Variants in GPRC5B observed in about 807,000 individuals in gnomAD.
GPRC5B encodes G protein-coupled receptor class C group 5 member B.
A neutral mutation model predicts 30.1 loss-of-function variants in GPRC5B; 16 were observed. The ratio of observed to expected loss-of-function variants is 0.53; its 90% CI spans 0.36 to 0.81. The LOEUF (loss-of-function observed/expected upper bound fraction) is 0.81. GPRC5B is among the 30% of genes least tolerant of loss of function. The probability of loss-of-function intolerance (pLI) is 0.01; values close to 1 mark genes in which losing one functional copy is unlikely to be tolerated. For synonymous variants in GPRC5B, 241 were observed against 239.5 expected, an observed-to-expected ratio of 1.01 and a Z score of -0.06; for missense variants, 428 against 544.7, an observed-to-expected ratio of 0.79 and a Z score of 2.13.
intron 1 of GPRC5B, among the ~76,000 whole-genome samples, chr16:19,875,067 A>G (rs990701052): frequency 6.6e-6 from 1 of 152,130 alleles, no homozygotes; most frequent in African/African-American, 2.4e-5. Flanking sequence ...TAAATGCGGT[A>G]TCGACCACCT....
At chr16:19,879,105 C>T (rs1567211999) in intron 1 of GPRC5B, among the ~76,000 whole-genome samples, 1 of 152,086 alleles carries the variant, frequency 6.6e-6, no homozygotes, top group Non-Finnish European at 1.5e-5. Context: ...CAGGTAAGCC[C>T]CCATCCTGCT....
rs148205185 is a variant in GPRC5B, at chr16:19,872,491, C to T, written c.355G>A (p.Glu119Lys). ...AAGCGGCGGACAGAGCAGATGGTCTCGTCCTCCTGGATGATGAAGGCAAAC... is the reference window on the plus strand; with the variant it reads ...AAGCGGCGGACAGAGCAGATGGTCTTGTCCTCCTGGATGATGAAGGCAAAC... ...LTFAFIIQED[E>K]TICSVRRFLW... Residue 119 changes from glutamate to lysine, a missense_variant, in exon 2 of 4, where the codon GAG becomes AAG. Transcript: ENST00000300571. The surrounding 1 kb of genome is among the most constrained non-coding windows in gnomAD (Gnocchi z 5.0). 1.2e-5 allele frequency: 20 copies of T among 1,613,866 alleles called. No individual in the cohort carries two copies. The highest frequency in any genetic ancestry group is 1.6e-4 in the Middle Eastern group (1 of 6,062).
intron 2 of GPRC5B, among the ~76,000 whole-genome samples, chr16:19,867,185 G>GGC (rs2056674412): frequency 6.6e-6 from 1 of 152,208 alleles, no homozygotes; most frequent in Non-Finnish European, 1.5e-5. Flanking sequence ...AGTGAGATGA[G>GGC]GGGCGCTTAA....
In GPRC5B at chr16:19,872,516, C is replaced by T. The variant is rs367682707; in HGVS notation, c.330G>A (p.Thr110=). The change falls in exon 2 of 4, where the codon ACG becomes ACA. Residue 110 remains threonine (T), a synonymous_variant. Transcript: ENST00000300571. This position sits in a 1 kb window ranked among gnomAD's most constrained non-coding sequence, Gnocchi z 5.0. ...CGTCCTCCTGGATGATGAAGGCAAA[C>T]GTCAGCCCAAAGAGGCCCAGGGTCC... ...LLGTLGLFGL[T]FAFIIQEDET... is the part of the protein sequence containing the mutation. 1.5e-5 allele frequency: 24 copies of T among 1,613,868 alleles called. No individual in the cohort carries two copies. Among genetic ancestry groups the T allele is most frequent in the Middle Eastern group, 1.6e-4 (1 of 6,082 alleles).
chr16:19,867,532 G>A (rs2056677398), intron 2 of GPRC5B, among the ~76,000 whole-genome samples: 1 of 152,214 alleles, frequency 6.6e-6, no homozygotes, highest in Non-Finnish European at 1.5e-5. Context: ...TGGCATCGTG[G>A]TTTTACTTCA....
chr16:19,868,817 T>C (rs996385943), intron 2 of GPRC5B, among the ~76,000 whole-genome samples: 1 of 152,070 alleles, frequency 6.6e-6, no homozygotes, highest in African/African-American at 2.4e-5. Flanking sequence ...GACAGAGGGA[T>C]GTGGATGGCC....
intron 3 of GPRC5B, 129 bp downstream of exon 3, chr16:19,861,708 G>A (rs573457971): frequency 3.0e-5 from 21 of 705,904 alleles, no homozygotes; most frequent in African/African-American, 1.1e-4. Context: ...CATTGCATGC[G>A]TTTGAGCTGT....
upstream of GPRC5B, chr16:19,885,237 G>A (rs879863321): frequency 2.3e-6 from 3 of 1,288,336 alleles, no homozygotes; most frequent in African/African-American, 3.0e-5. This position sits in a 1 kb window ranked among gnomAD's most constrained non-coding sequence, Gnocchi z 5.3. Context: ...GTCCCAGCGC[G>A]GAAGCCTTCC....
At chr16:19,875,820 T>C (rs771161752) in intron 1 of GPRC5B, among the ~76,000 whole-genome samples, 3 of 152,146 alleles carry the variant, frequency 2.0e-5, no homozygotes, top group Non-Finnish European at 4.4e-5. Flanking sequence ...CGCTCGTTGA[T>C]GTAACCCATG....
At chr16:19,869,875 C>T (rs568996193) in intron 2 of GPRC5B, among the ~76,000 whole-genome samples, 67 of 152,120 alleles carry the variant, frequency 4.4e-4, no homozygotes, top group African/African-American at 1.6e-3. Flanking sequence ...AATTCGAGAC[C>T]ACCCTAGGCA....
At chr16:19,878,490 T>C (rs929872378) in intron 1 of GPRC5B, among the ~76,000 whole-genome samples, 2 of 151,902 alleles carry the variant, frequency 1.3e-5, no homozygotes, top group Non-Finnish European at 2.9e-5. Flanking sequence ...ACGGAGGTTT[T>C]GCCATGTTGG....
chr16:19,884,754 G>T lies in GPRC5B; in HGVS notation c.-29C>A. 1 of 984,674 alleles carries T rather than the reference G, an allele frequency of 1.0e-6. No homozygotes were observed. Among genetic ancestry groups the T allele is most frequent in the Non-Finnish European group, 1.2e-6 (1 of 829,596 alleles). The allele number at this position is 984,674 out of a possible 1,614,324, so 61.0% of individuals were successfully genotyped here. A position where few individuals can be genotyped will look rare whatever the true frequency, so the allele number is the denominator to read the frequency against. ...ACCCCCGCGGCCCCGCAGCGCCGAC[G>T]CTCCAGCTGGCCTTCGGCCCGAGTC... On this transcript the variant is annotated 5_prime_UTR_variant, in exon 1 of 4. Coordinates refer to ENST00000300571, the MANE Select transcript of GPRC5B (RefSeq NM_016235.3).
At position 19,871,943 on chromosome 16, in the gene GPRC5B, C is replaced by T. The variant is rs752128641; in HGVS notation, c.903G>A (p.Gln301=). 6.2e-7 allele frequency: 1 copy of T among 1,614,120 alleles called. No homozygotes were observed. The highest frequency in any genetic ancestry group is 2.2e-5 in the East Asian group (1 of 44,858). ...TGTCGAAGTAGTTGGGCGTGTTCTC[C>T]TGCAGGGCTGGCAGAAGGGTGCAGT... is the stretch of plus-strand genomic sequence containing the variant. ...EIHCTLLPAL[Q]ENTPNYFDTS... is the part of the protein sequence containing the mutation. Residue 301 remains glutamine (Q), a synonymous_variant, in exon 2 of 4, where the codon CAG becomes CAA. Coordinates refer to ENST00000300571, the MANE Select transcript of GPRC5B (RefSeq NM_016235.3).
At chr16:19,861,715 C>T (rs2056624057) in intron 3 of GPRC5B, 122 bp downstream of exon 3, 1 of 741,580 alleles carries the variant, frequency 1.3e-6, no homozygotes. Context: ...TGCGTTTGAG[C>T]TGTGGCGGTC....
intron 1 of GPRC5B, among the ~76,000 whole-genome samples, chr16:19,881,919 A>AG (rs1186616672): frequency 6.6e-6 from 1 of 152,236 alleles, no homozygotes; most frequent in African/African-American, 2.4e-5. Flanking sequence ...CCTGACCTCA[A>AG]GGCGTTTCTG....
rs754331652 is a variant in GPRC5B at position 19,861,929 on chromosome 16, G to A, written c.1075C>T (p.Pro359Ser). ...GFPNGSLGKRPSGSLGKRPSA... is the reference protein window; with the variant it reads ...GFPNGSLGKRSSGSLGKRPSA... ...GGTCTTTTCCCCAAGCTGCCACTGG[G>A]TCTTTTTCCCAAGCTGCCGTTGGGA... Residue 359 changes from proline (P) to serine (S), a missense_variant, in exon 3 of 4, where the codon CCC becomes TCC. Physicochemically the swap from Pro to Ser is moderately conservative, Grantham distance 74. Around this residue, in one of 3 missense-constraint regions of GPRC5B, gnomAD observed 213 missense variants for 229.1 expected, o/e 0.93. Coordinates refer to ENST00000300571, the MANE Select transcript of GPRC5B (RefSeq NM_016235.3). 6.2e-7 allele frequency: 1 copy of A among 1,613,672 alleles called. No individual in the cohort carries two copies. Among genetic ancestry groups the A allele is most frequent in the East Asian group, 2.2e-5 (1 of 44,872 alleles).
intron 2 of GPRC5B, among the ~76,000 whole-genome samples, chr16:19,869,586 C>T (rs573796123): frequency 6.6e-6 from 1 of 152,170 alleles, no homozygotes; most frequent in African/African-American, 2.4e-5. Context: ...ATCACATCCC[C>T]TAGGTAGGTC....
intron 1 of GPRC5B, among the ~76,000 whole-genome samples, chr16:19,883,136 G>C (rs1231057497): frequency 1.3e-5 from 2 of 152,216 alleles, no homozygotes; most frequent in East Asian, 3.9e-4. Flanking sequence ...AGCCCCGGGA[G>C]AGCAGGGGTT....
chr16:19,885,529 C>A (rs1485322559), upstream of GPRC5B: 19 of 1,119,572 alleles, frequency 1.7e-5, no homozygotes, highest in South Asian at 2.8e-4. The surrounding 1 kb of genome is among the most constrained non-coding windows in gnomAD (Gnocchi z 5.3). Flanking sequence ...GAAACACACA[C>A]GTCCAGTCGG....
Sources: gnomAD v4.1 joint callset for allele counts (sites outside exome capture counted in the v4.1 genomes callset) on GRCh38, gnomAD v4.1.1 for gene constraint, gnomAD v4.1.1 regional missense constraint, Gnocchi (gnomAD v3.1) non-coding constraint, MANE v1.5 for transcripts, NCBI Gene and HGNC (gene_info 2026-07-23, HGNC 2026-07-21) for gene names.